The following PTPRM variants were observed in gnomAD, a reference collection of about 807,000 sequenced individuals.
The protein encoded by PTPRM is receptor-type tyrosine-protein phosphatase mu.
Under a neutral mutation model 186.7 loss-of-function variants are expected in PTPRM, and 47 were observed. That is an observed-to-expected ratio of 0.25 (90% CI 0.20 to 0.32). PTPRM has a LOEUF of 0.32. Ranked by LOEUF, PTPRM falls within the 10% of genes least tolerant of loss-of-function variation. The pLI, the probability that PTPRM is intolerant of heterozygous loss-of-function variation, is 1.00. For missense variants in PTPRM, 1,494 were observed against 1,865.0 expected (o/e 0.80, Z 3.66); for synonymous variants, 668 against 674.9 (o/e 0.99, Z 0.16).
At position 8,289,551 on chromosome 18, in the gene PTPRM, C is replaced by CAT. The variant is rs1176230629; in HGVS notation, c.2755-6809_2755-6808dup. ...ATATATATACACATATATATATATACATATATATACACATATATATATATA... is the reference window on the plus strand; with the variant it reads ...ATATATATACACATATATATATATACATATATATATACACATATATATATATA... On this transcript the variant is annotated intron_variant, in intron 19 of 32. Transcript: ENST00000580170. Among the ~76,000 whole-genome samples, 410 of 77,682 alleles carry CAT rather than the reference C, an allele frequency of 5.3e-3. 18 individuals carry two copies. Among genetic ancestry groups the CAT allele is most frequent in the African/African-American group, 0.031 (382 of 12,220 alleles). The allele number at this position is 77,682 out of a possible 152,430, so 51.0% of individuals were successfully genotyped here. A position where few individuals can be genotyped will look rare whatever the true frequency, so the allele number is the denominator to read the frequency against.
At chr18:8,295,895 C>A (rs2147876288) in intron 19 of PTPRM, among the ~76,000 whole-genome samples, 1 of 152,232 alleles carries the variant, frequency 6.6e-6, no homozygotes, top group South Asian at 2.1e-4. Flanking sequence ...AGGATTTTAG[C>A]CTGGAAGTCA....
At chr18:7,933,588 G>A (rs780351260) in intron 5 of PTPRM, among the ~76,000 whole-genome samples, 4 of 152,144 alleles carry the variant, frequency 2.6e-5, no homozygotes, top group Non-Finnish European at 4.4e-5. Context: ...TGGTACAACC[G>A]AGCACCTAGA....
chr18:8,250,976 A>G (rs1226221032), intron 17 of PTPRM, among the ~76,000 whole-genome samples: 1 of 152,242 alleles, frequency 6.6e-6, no homozygotes, highest in Non-Finnish European at 1.5e-5. Flanking sequence ...GCAGCACACA[A>G]GAAGCCTTCT....
chr18:7,730,263 G>A (rs553398059), intron 1 of PTPRM, among the ~76,000 whole-genome samples: 2 of 152,102 alleles, frequency 1.3e-5, no homozygotes, highest in Admixed American at 6.6e-5. Flanking sequence ...TCTCTGTTAC[G>A]TACTGGATGC....
chr18:8,373,091 G>T (rs934746139), intron 24 of PTPRM, among the ~76,000 whole-genome samples: 2 of 152,094 alleles, frequency 1.3e-5, no homozygotes, highest in African/African-American at 4.8e-5. Flanking sequence ...AATGCATTTG[G>T]GGAAATCAAA....
chr18:7,613,790 T>A (rs1044695360), intron 1 of PTPRM, among the ~76,000 whole-genome samples: 3 of 152,262 alleles, frequency 2.0e-5, no homozygotes, highest in African/African-American at 7.2e-5. Flanking sequence ...TTGATTAACC[T>A]TCTGGGGTCA....
At chr18:8,283,299 G>A (rs2094923787) in intron 19 of PTPRM, among the ~76,000 whole-genome samples, 1 of 152,182 alleles carries the variant, frequency 6.6e-6, no homozygotes, top group East Asian at 1.9e-4. Context: ...TGTGAATCTA[G>A]AATTATTTCA....
At chr18:8,081,953 A>G (rs1330275269) in intron 9 of PTPRM, among the ~76,000 whole-genome samples, 3 of 152,146 alleles carry the variant, frequency 2.0e-5, no homozygotes, top group Non-Finnish European at 4.4e-5. Context: ...TAAGAACCCC[A>G]GTGTTATTTT....
chr18:8,022,661 T>C (rs915028322), intron 7 of PTPRM, among the ~76,000 whole-genome samples: 1 of 152,062 alleles, frequency 6.6e-6, no homozygotes, highest in African/African-American at 2.4e-5. Context: ...AGCTCCTAAC[T>C]GCGCTCCTAT....
Position 8,378,330 on chromosome 18 carries a change from T to C in PTPRM, c.3528T>C (p.Pro1176=). The change falls in exon 27 of 33, where the codon CCT becomes CCC. Residue 1176 remains proline (P), a synonymous_variant. Coordinates refer to ENST00000580170, the MANE Select transcript of PTPRM (RefSeq NM_001105244.2). ...GTCTTTGTGGGGACACCTCTGTGCC[T>C]GCTTCCCAAGTTAGGTCTCTGTATT... ...EACLCGDTSV[P]ASQVRSLYYD... 6.2e-7 allele frequency: 1 copy of C among 1,613,490 alleles called. No individual in the cohort carries two copies. The highest frequency in any genetic ancestry group is 8.5e-7 in the Non-Finnish European group (1 of 1,179,374).
chr18:7,978,435 A>C (rs2147400456), intron 7 of PTPRM, among the ~76,000 whole-genome samples: 1 of 152,268 alleles, frequency 6.6e-6, no homozygotes, highest in African/African-American at 2.4e-5. Context: ...TAAATTATAA[A>C]ACGGGACTCT....
intron 32 of PTPRM, among the ~76,000 whole-genome samples, chr18:8,400,489 T>C (rs953889027): frequency 2.0e-5 from 3 of 152,196 alleles, no homozygotes; most frequent in Non-Finnish European, 4.4e-5. Context: ...GGCTCTGAGA[T>C]GGAGCCCCCG....
At chr18:8,219,965 A>T (rs914864301) in intron 14 of PTPRM, among the ~76,000 whole-genome samples, 3 of 152,142 alleles carry the variant, frequency 2.0e-5, no homozygotes, top group African/African-American at 7.2e-5. Flanking sequence ...TATTGTGCCT[A>T]AACTCCAAAA....
At chr18:7,851,642 C>CA (rs58055625) in intron 2 of PTPRM, among the ~76,000 whole-genome samples, 2,397 of 149,896 alleles carry the variant, frequency 0.016, 34 homozygotes, top group East Asian at 0.06. Context: ...AACAAAAAAA[C>CA]AAAAAAAAAA....
In PTPRM at chr18:8,406,142, G is replaced by A; in HGVS notation, c.4378G>A (p.Glu1460Lys). 6.2e-7 allele frequency: 1 copy of A among 1,614,104 alleles called. No homozygotes were observed. Among genetic ancestry groups the A allele is most frequent in the Non-Finnish European group, 8.5e-7 (1 of 1,180,000 alleles). Residue 1460 changes from glutamate (E) to lysine (K), a missense_variant, in exon 33 of 33, where the codon GAA becomes AAA. Transcript: ENST00000580170. ...QYKFCYEVAL[E>K]YLNSG Reference sequence around the variant, plus strand: ...CAAGTTCTGCTACGAGGTGGCCCTGGAATACTTGAATTCTGGCTGATGGTG... The same window carrying A: ...CAAGTTCTGCTACGAGGTGGCCCTGAAATACTTGAATTCTGGCTGATGGTG...
At chr18:8,065,692 G>A (rs2089012746) in intron 7 of PTPRM, among the ~76,000 whole-genome samples, 1 of 152,116 alleles carries the variant, frequency 6.6e-6, no homozygotes, top group Non-Finnish European at 1.5e-5. Context: ...AGGATTGTGA[G>A]GAAAGAGGAC....
intron 1 of PTPRM, among the ~76,000 whole-genome samples, chr18:7,749,608 T>G (rs972620632): frequency 1.3e-5 from 2 of 152,162 alleles, no homozygotes; most frequent in Non-Finnish European, 2.9e-5. Context: ...AATTAGAGTC[T>G]GGCCCCATTT....
At chr18:7,677,109 C>A (rs2039362503) in intron 1 of PTPRM, among the ~76,000 whole-genome samples, 1 of 152,116 alleles carries the variant, frequency 6.6e-6, no homozygotes, top group Non-Finnish European at 1.5e-5. Context: ...TTCTCTTTTT[C>A]TCATCTTAAA....
chr18:7,623,466 CTATA>C (rs1412025297), intron 1 of PTPRM, among the ~76,000 whole-genome samples: 1 of 151,978 alleles, frequency 6.6e-6, no homozygotes, highest in African/African-American at 2.4e-5. Flanking sequence ...GTGAATACAG[CTATA>C]TAGGCAGTTT....
Sources: allele counts gnomAD v4.1 joint callset (sites outside exome capture counted in the v4.1 genomes callset), GRCh38; gene constraint gnomAD v4.1.1; transcripts MANE v1.5; gene names NCBI Gene and HGNC (gene_info 2026-07-23, HGNC 2026-07-21).